Variants in MAP3K7CL observed in about 807,000 individuals in gnomAD.
MAP3K7CL encodes the protein MAP3K7 C-terminal-like protein.
In MAP3K7CL, 16 loss-of-function variants were observed where a neutral mutation model predicts 18.6. That is an observed-to-expected ratio of 0.86 (90% CI 0.58 to 1.31). The LOEUF is 1.31. Among genes scored for constraint, MAP3K7CL ranks in the 50% most tolerant of loss-of-function variants. The pLI is 0.00. For missense variants in MAP3K7CL, 163 were observed against 174.4 expected, an observed-to-expected ratio of 0.93 and a Z score of 0.37; for synonymous variants, 65 against 66.8, an observed-to-expected ratio of 0.97 and a Z score of 0.13.
rs1210520538 is a variant in MAP3K7CL at position 29,130,887 on chromosome 21, T to G, written c.-76T>G. ...ACGACTGGCCAAGGCAGTGGCTGGC[T>G]CTGGGTTACACAAGTGCAGACACTC... On this transcript the variant is annotated 5_prime_UTR_variant, in exon 1 of 5. Coordinates refer to ENST00000399928, the MANE Select transcript of MAP3K7CL (RefSeq NM_001286620.2). 4.1e-6 allele frequency: 4 copies of G among 985,440 alleles called. No homozygotes were observed. The African/African-American group carries it at 5.2e-5, about 13-fold the overall frequency. 61.0% of individuals were successfully genotyped at this position (985,440 alleles called of 1,614,324 possible).
chr21:29,103,960 G>A (rs1271723740), intron 4 of MAP3K7CL, among the ~76,000 whole-genome samples: 1 of 151,394 alleles, frequency 6.6e-6, no homozygotes, highest in Non-Finnish European at 1.5e-5. Flanking sequence ...AGCTTTTGGA[G>A]TAATTTTTTT....
intron 4 of MAP3K7CL, 29 bp downstream of exon 4, chr21:29,160,085 C>T (rs770961136): frequency 6.4e-7 from 1 of 1,562,976 alleles, no homozygotes; most frequent in Non-Finnish European, 8.8e-7. Flanking sequence ...CACTCTACAT[C>T]TGAGCACTGC....
chr21:29,108,729 C>CT (rs1330571940), intron 4 of MAP3K7CL, among the ~76,000 whole-genome samples: 2 of 152,262 alleles, frequency 1.3e-5, no homozygotes, highest in African/African-American at 4.8e-5. Flanking sequence ...TCTCACAGCA[C>CT]TGTTGGGAGT....
At chr21:29,092,377 A>C in intron 3 of MAP3K7CL, 1 of 1,584,642 alleles carries the variant, frequency 6.3e-7, no homozygotes, top group Non-Finnish European at 8.7e-7. Context: ...ACTGACATCA[A>C]AAGGTCTGTG....
chr21:29,100,527 GA>G (rs1157397607), intron 4 of MAP3K7CL, among the ~76,000 whole-genome samples: 1 of 152,038 alleles, frequency 6.6e-6, no homozygotes, highest in Non-Finnish European at 1.5e-5. Context: ...TTGAGTTTGG[GA>G]AAGTCATGTA....
At chr21:29,085,872 G>C (rs1287324871) in exon 1 of MAP3K7CL, 1 of 1,614,032 alleles carries the variant, frequency 6.2e-7, no homozygotes. Flanking sequence ...TGGTTCAGCT[G>C]ATTGCACCTT....
chr21:29,150,839 G>A (rs1162548855), intron 3 of MAP3K7CL, among the ~76,000 whole-genome samples: 2 of 146,846 alleles, frequency 1.4e-5, no homozygotes, highest in Non-Finnish European at 3.0e-5. Flanking sequence ...ATGTGATCTC[G>A]GCTCACTGCA....
chr21:29,092,335 G>A lies in MAP3K7CL; in HGVS notation c.228-104G>A, dbSNP rs962409053. Reference sequence around the variant, plus strand: ...ACAACCCTCTCTAAAGAGGAGGCAAGAGGTTTCAATTTCTTCTCAGGGAAA... The same window carrying A: ...ACAACCCTCTCTAAAGAGGAGGCAAAAGGTTTCAATTTCTTCTCAGGGAAA... On this transcript the variant is annotated intron_variant, in intron 3 of 6. Transcript: ENST00000286791. 30 of 1,364,018 alleles carry A rather than the reference G, an allele frequency of 2.2e-5. No homozygotes were observed. The African/African-American group carries it at 4.1e-4, about 18-fold the overall frequency. 84.5% of individuals were successfully genotyped at this position (1,364,018 alleles called of 1,614,324 possible). A position where few individuals can be genotyped will look rare whatever the true frequency, so the allele number is the denominator to read the frequency against.
At chr21:29,133,495 A>G in intron 2 of MAP3K7CL, 81 bp downstream of exon 2, 1 of 1,095,878 alleles carries the variant, frequency 9.1e-7, no homozygotes, top group Non-Finnish European at 1.3e-6. Context: ...GCCTCTGTGG[A>G]AAATTTAAAG....
chr21:29,088,359 A>G (rs976156942), intron 1 of MAP3K7CL, among the ~76,000 whole-genome samples: 5 of 152,262 alleles, frequency 3.3e-5, no homozygotes, highest in African/African-American at 4.8e-5. Context: ...TTTAAAATAT[A>G]TAATCTGTTT....
intron 4 of MAP3K7CL, among the ~76,000 whole-genome samples, chr21:29,171,522 T>C (rs2087826137): frequency 1.3e-5 from 2 of 152,142 alleles, no homozygotes; most frequent in Non-Finnish European, 1.5e-5. Flanking sequence ...AAAAGTAGTA[T>C]AGAGAACTCC....
chr21:29,101,600 T>G (rs8129755), intron 4 of MAP3K7CL, among the ~76,000 whole-genome samples: 84,939 of 151,766 alleles, frequency 0.56, 24,046 homozygotes, highest in African/African-American at 0.64. Flanking sequence ...AGTAGAGACG[T>G]GGTTTCACTG....
chr21:29,112,158 T>TGCG (rs1270143978), intron 4 of MAP3K7CL, among the ~76,000 whole-genome samples: 1 of 151,896 alleles, frequency 6.6e-6, no homozygotes, highest in Admixed American at 6.6e-5. Context: ...ATTAGCCAGG[T>TGCG]GTGGTGGCGT....
At chr21:29,096,073 G>A (rs1032524415) in intron 4 of MAP3K7CL, among the ~76,000 whole-genome samples, 3 of 152,166 alleles carry the variant, frequency 2.0e-5, no homozygotes, top group African/African-American at 7.2e-5. Flanking sequence ...GCTGGATTAG[G>A]AGTTGAAAGT....
chr21:29,149,808 A>G (rs566089482), intron 3 of MAP3K7CL, among the ~76,000 whole-genome samples: 101 of 152,344 alleles, frequency 6.6e-4, no homozygotes, highest in Non-Finnish European at 1.2e-3. Context: ...AGATATTTTA[A>G]TACACCAGAA....
In MAP3K7CL at chr21:29,078,333, A is replaced by C. The variant is rs1462069621; in HGVS notation, c.-49+620A>C. Among the ~76,000 whole-genome samples the C allele has an allele frequency of 2.6e-5, 4 of 152,186 alleles. No individual in the cohort carries two copies. The East Asian group carries it at 7.7e-4, about 29-fold the overall frequency. ...TAAAATCTTTTAATATTCCTTTATA[A>C]ATTTAAATTTTTTTCTCTTTTAATC... On this transcript the variant is annotated intron_variant, in intron 1 of 7. Coordinates refer to the MAP3K7CL transcript ENST00000341618.
intron 3 of MAP3K7CL, among the ~76,000 whole-genome samples, chr21:29,158,315 A>G (rs1170799066): frequency 1.3e-5 from 2 of 152,138 alleles, no homozygotes; most frequent in Admixed American, 6.5e-5. Context: ...CTGTAGTACT[A>G]CTGTGCGTTA....
chr21:29,139,234 C>T (rs1416118777), intron 2 of MAP3K7CL: 1 of 152,176 alleles, frequency 6.6e-6, no homozygotes, highest in Non-Finnish European at 1.5e-5. Flanking sequence ...AACTGGCTCT[C>T]AGCAAAATTG....
chr21:29,121,644 G>A (rs2086596331), intron 4 of MAP3K7CL, among the ~76,000 whole-genome samples: 1 of 152,130 alleles, frequency 6.6e-6, no homozygotes, highest in South Asian at 2.1e-4. Context: ...GATCTTTAAT[G>A]AGCCAAGCAG....
Sources: gnomAD v4.1 joint callset for allele counts (sites outside exome capture counted in the v4.1 genomes callset) on GRCh38, gnomAD v4.1.1 for gene constraint, MANE v1.5 for transcripts, NCBI Gene and HGNC (gene_info 2026-07-23, HGNC 2026-07-21) for gene names.